LMO7: variants seen among roughly 807,000 people sequenced by gnomAD.
LMO7 encodes the protein LIM domain only protein 7.
LMO7 carries 120 observed loss-of-function variants against 206.5 expected under a neutral mutation model. That is an observed-to-expected ratio of 0.58 (90% CI 0.50 to 0.68). LMO7 has a LOEUF of 0.68. Among genes scored for constraint, LMO7 ranks in the 30% least tolerant of loss-of-function variants. The pLI is 0.00. For missense variants in LMO7, 1,959 were observed against 1,957.9 expected (o/e 1.00, Z -0.01); for synonymous variants, 706 against 681.5 (o/e 1.04, Z -0.56).
chr13:75,802,766 A>G (rs1460436353), intron 7 of LMO7, among the ~76,000 whole-genome samples: 1 of 152,214 alleles, frequency 6.6e-6, no homozygotes, highest in Non-Finnish European at 1.5e-5. Flanking sequence ...CACCAGGCCG[A>G]TAAAGCTCTT....
At chr13:75,675,396 G>A (rs1361694020) in intron 1 of LMO7, among the ~76,000 whole-genome samples, 1 of 151,980 alleles carries the variant, frequency 6.6e-6, no homozygotes, top group Non-Finnish European at 1.5e-5. Flanking sequence ...TTTCTACCCT[G>A]TATTTCCTTT....
intron 28 of LMO7, 74 bp from the exon 29 acceptor site, chr13:75,855,186 A>C (rs944405847): frequency 9.9e-5 from 82 of 831,838 alleles, no homozygotes; most frequent in Non-Finnish European, 1.6e-4. Context: ...TGTTAATAGC[A>C]GAGTGTGACT....
At chr13:75,813,324 T>C (rs542247338) in intron 11 of LMO7, among the ~76,000 whole-genome samples, 1 of 152,316 alleles carries the variant, frequency 6.6e-6, no homozygotes, top group African/African-American at 2.4e-5. Context: ...TTTGCTTTAA[T>C]GAGAATTAGT....
chr13:75,800,616 A>G, intron 6 of LMO7, 68 bp from the exon 7 acceptor site: 1 of 1,434,476 alleles, frequency 7.0e-7, no homozygotes, highest in Non-Finnish European at 9.8e-7. Context: ...CAAGCAAGTA[A>G]TAACCGATTG....
chr13:75,636,855 TG>T (rs2035935007), intron 1 of LMO7, 129 bp downstream of exon 1: 1 of 899,294 alleles, frequency 1.1e-6, no homozygotes, highest in Non-Finnish European at 1.8e-6. Context: ...GTGAACAAGC[TG>T]GTTTGCTTGT....
intron 15 of LMO7, among the ~76,000 whole-genome samples, chr13:75,828,794 C>A (rs1272940272): frequency 1.3e-5 from 2 of 152,036 alleles, no homozygotes; most frequent in South Asian, 2.1e-4. Context: ...AAGATGATAA[C>A]CCAAGGGAGG....
intron 25 of LMO7, among the ~76,000 whole-genome samples, chr13:75,843,972 A>G (rs1208740894): frequency 1.3e-5 from 2 of 152,218 alleles, no homozygotes; most frequent in Non-Finnish European, 2.9e-5. Flanking sequence ...GTGATAGATG[A>G]CCTTGTTTAT....
intron 11 of LMO7, 139 bp downstream of exon 11, chr13:75,809,322 T>C (rs2055984426): frequency 4.5e-6 from 3 of 673,626 alleles, no homozygotes; most frequent in Admixed American, 5.6e-5. Flanking sequence ...GAAATGTTTA[T>C]CTTGCAACCT....
chr13:75,736,646 A>T (rs77877188), intron 3 of LMO7, among the ~76,000 whole-genome samples: 3,927 of 152,366 alleles, frequency 0.026, 168 homozygotes, highest in African/African-American at 0.09. Context: ...CAAATAAATT[A>T]GCAAACAAGC....
upstream of LMO7, among the ~76,000 whole-genome samples, chr13:75,634,252 C>G (rs1414563799): frequency 1.3e-5 from 2 of 151,832 alleles, no homozygotes; most frequent in Admixed American, 1.3e-4. Flanking sequence ...TCCTGGACAA[C>G]ATAGTGAGAC....
At chr13:75,723,932 A>G (rs2044243597) in intron 2 of LMO7, among the ~76,000 whole-genome samples, 1 of 152,160 alleles carries the variant, frequency 6.6e-6, no homozygotes, top group African/African-American at 2.4e-5. Context: ...GCATATAGTG[A>G]GGACCTGCTT....
At chr13:75,675,355 T>C (rs113624274) in intron 1 of LMO7, among the ~76,000 whole-genome samples, 41,241 of 152,138 alleles carry the variant, frequency 0.27, 6,642 homozygotes, top group Non-Finnish European at 0.36. Flanking sequence ...ATTACAGGCA[T>C]GAGCCACCGT....
rs541904072 is a variant in LMO7 at position 75,623,435 on chromosome 13, G to A, written c.225+115G>A. 109 of 617,262 alleles carry A rather than the reference G, an allele frequency of 1.8e-4. 1 individual carries two copies. The highest frequency in any genetic ancestry group is 3.6e-4 in the Middle Eastern group (1 of 2,752). 38.2% of individuals were successfully genotyped at this position (617,262 alleles called of 1,614,324 possible). On this transcript the variant is annotated intron_variant, in intron 2 of 29. Transcript: ENST00000341547. ...GTGGAGTGCAGTGGTGCCATCTAGG[G>A]TCACTGCAACCTCTGCCTCCCGGGT...
chr13:75,783,558 A>G (rs567477732), intron 4 of LMO7, among the ~76,000 whole-genome samples: 5 of 152,138 alleles, frequency 3.3e-5, no homozygotes, highest in African/African-American at 9.7e-5. Context: ...CCTGACCTCA[A>G]GTGATTACCC....
chr13:75,677,962 T>G (rs1459426411), intron 1 of LMO7, among the ~76,000 whole-genome samples: 4 of 152,080 alleles, frequency 2.6e-5, no homozygotes, highest in African/African-American at 4.8e-5. Context: ...TCCCTACAAA[T>G]GACATGAACT....
intron 1 of LMO7, among the ~76,000 whole-genome samples, chr13:75,664,126 T>C (rs1435912190): frequency 2.0e-5 from 3 of 152,136 alleles, no homozygotes; most frequent in Non-Finnish European, 4.4e-5. Context: ...CACTTCCCCG[T>C]CACCACTCCA....
chr13:75,741,918 A>G (rs370935703), intron 3 of LMO7, among the ~76,000 whole-genome samples: 1 of 152,154 alleles, frequency 6.6e-6, no homozygotes, highest in East Asian at 1.9e-4. Flanking sequence ...ATCCAAATAG[A>G]AAGAGAGGAA....
intron 26 of LMO7, among the ~76,000 whole-genome samples, chr13:75,847,029 C>CAAAAAAAAAAAA (rs34127474): frequency 8.9e-6 from 1 of 112,444 alleles, no homozygotes; most frequent in Non-Finnish European, 1.8e-5. Flanking sequence ...GACTCTGTCT[C>CAAAAAAAAAAAA]AAAAAAAAAA....
intron 2 of LMO7, among the ~76,000 whole-genome samples, chr13:75,630,802 GTTTTCTT>G (rs1566253214): frequency 6.7e-6 from 1 of 149,686 alleles, no homozygotes; most frequent in Admixed American, 7.0e-5. Context: ...TACACTGCCT[GTTTTCTT>G]TTTTCTTTTT....
Sources: allele counts gnomAD v4.1 joint callset (sites outside exome capture counted in the v4.1 genomes callset), GRCh38; gene constraint gnomAD v4.1.1; transcripts MANE v1.5; gene names NCBI Gene and HGNC (gene_info 2026-07-23, HGNC 2026-07-21).